Variants in CAST observed in about 807,000 individuals in gnomAD.
CAST encodes the protein MIR583 host.
Under a neutral mutation model 119.6 loss-of-function variants are expected in CAST, and 76 were observed. The ratio of observed to expected loss-of-function variants is 0.64; its 90% CI spans 0.53 to 0.77. CAST has a LOEUF of 0.77. Among genes scored for constraint, CAST ranks in the 30% least tolerant of loss-of-function variants. CAST has a pLI of 0.00. For synonymous variants in CAST, 319 were observed against 331.6 expected, an observed-to-expected ratio of 0.96 and a Z score of 0.41; for missense variants, 953 against 946.5, an observed-to-expected ratio of 1.01 and a Z score of -0.09.
At chr5:96,329,501 C>G in the CAST span, among the ~76,000 whole-genome samples, 1 of 152,172 alleles carries the variant, frequency 6.6e-6, no homozygotes, top group African/African-American at 2.4e-5. Flanking sequence ...ACAGGGATCC[C>G]CCCTAGAACA....
the CAST span, among the ~76,000 whole-genome samples, chr5:96,507,268 C>T: frequency 6.6e-6 from 1 of 152,112 alleles, no homozygotes; most frequent in African/African-American, 2.4e-5. Flanking sequence ...TCACTCTACC[C>T]TGTGTTACAT....
intron 3 of CAST, among the ~76,000 whole-genome samples, chr5:96,702,413 C>T (rs1754026735): frequency 1.3e-5 from 2 of 152,166 alleles, no homozygotes; most frequent in Non-Finnish European, 2.9e-5. Context: ...TTAAACTACT[C>T]TTTAAAGAAA....
the CAST span, among the ~76,000 whole-genome samples, chr5:96,261,469 G>T: frequency 1.3e-5 from 2 of 152,194 alleles, no homozygotes; most frequent in African/African-American, 4.8e-5. Flanking sequence ...GGCTATACAT[G>T]ATGCAGAAGG....
chr5:96,399,766 G>A, the CAST span, among the ~76,000 whole-genome samples: 1 of 152,246 alleles, frequency 6.6e-6, no homozygotes, highest in African/African-American at 2.4e-5. Flanking sequence ...ACATGCAAAT[G>A]GTTAACATGG....
chr5:96,122,498 A>T, the CAST span, among the ~76,000 whole-genome samples: 1 of 152,174 alleles, frequency 6.6e-6, no homozygotes, highest in Non-Finnish European at 1.5e-5. Context: ...TAAAAATAGT[A>T]AATGGCACTG....
the CAST span, among the ~76,000 whole-genome samples, chr5:96,334,719 C>T: frequency 6.6e-6 from 1 of 152,156 alleles, no homozygotes; most frequent in African/African-American, 2.4e-5. Context: ...TAGGATGGAG[C>T]TGCTACCTCA....
the CAST span, among the ~76,000 whole-genome samples, chr5:95,969,215 G>A: frequency 6.6e-6 from 1 of 152,172 alleles, no homozygotes; most frequent in Non-Finnish European, 1.5e-5. Context: ...AGAGCTTTTA[G>A]TATTGGGTTA....
At chr5:95,987,570 T>C in the CAST span, among the ~76,000 whole-genome samples, 1 of 152,160 alleles carries the variant, frequency 6.6e-6, no homozygotes, top group East Asian at 1.9e-4. Flanking sequence ...ACAGGTTGTG[T>C]AAAAGCATCA....
At chr5:96,197,778 T>A in the CAST span, among the ~76,000 whole-genome samples, 1 of 152,192 alleles carries the variant, frequency 6.6e-6, no homozygotes, top group Non-Finnish European at 1.5e-5. Flanking sequence ...TTTGTGTGTG[T>A]GTGACAGTCT....
chr5:96,616,651 G>A (rs1747459673), intron 1 of CAST, among the ~76,000 whole-genome samples: 1 of 151,820 alleles, frequency 6.6e-6, no homozygotes, highest in Non-Finnish European at 1.5e-5. Context: ...GTGGCTACAG[G>A]ATGTGGAGTT....
intron 1 of CAST, among the ~76,000 whole-genome samples, chr5:96,580,579 T>C (rs1218493073): frequency 6.6e-6 from 1 of 152,188 alleles, no homozygotes; most frequent in Non-Finnish European, 1.5e-5. Flanking sequence ...TTAGCATATC[T>C]GGAGTAGGGC....
intron 2 of CAST, among the ~76,000 whole-genome samples, chr5:96,678,163 A>G (rs958412149): frequency 1.3e-5 from 2 of 152,176 alleles, no homozygotes; most frequent in Admixed American, 1.3e-4. Context: ...TTACCAGAGA[A>G]AGACTTCCTG....
At chr5:96,360,908 T>C in the CAST span, among the ~76,000 whole-genome samples, 1 of 152,312 alleles carries the variant, frequency 6.6e-6, no homozygotes, top group Non-Finnish European at 1.5e-5. Context: ...CAGGAATGTT[T>C]AAGTCTGCTG....
chr5:95,974,029 A>C, the CAST span, among the ~76,000 whole-genome samples: 129 of 143,526 alleles, frequency 9.0e-4, no homozygotes, highest in African/African-American at 2.9e-3. Context: ...ACACACACAC[A>C]CCCCCACTCA....
chr5:96,432,877 C>A, the CAST span: 1 of 1,613,778 alleles, frequency 6.2e-7, no homozygotes, highest in South Asian at 1.1e-5. Context: ...CCCAAAAGGT[C>A]ATAGCCCAGC....
chr5:96,209,601 T>C, the CAST span, among the ~76,000 whole-genome samples: 118 of 152,162 alleles, frequency 7.8e-4, 1 homozygote, highest in African/African-American at 2.2e-3. Flanking sequence ...TATGAAATTT[T>C]TTATTGGAGT....
chr5:96,176,968 G>A, the CAST span, among the ~76,000 whole-genome samples: 2 of 152,166 alleles, frequency 1.3e-5, no homozygotes. Flanking sequence ...GGGAGTATAT[G>A]CTATTATAAT....
the CAST span, among the ~76,000 whole-genome samples, chr5:96,299,241 C>T: frequency 1.3e-5 from 2 of 149,456 alleles, no homozygotes; most frequent in East Asian, 2.0e-4. Context: ...GCAAAAAACT[C>T]AGTCTCAAAA....
At chr5:96,165,989 A>G in the CAST span, among the ~76,000 whole-genome samples, 1 of 145,692 alleles carries the variant, frequency 6.9e-6, no homozygotes, top group Admixed American at 6.8e-5. Flanking sequence ...ATCATTATCC[A>G]TTATTAACAT....
Sources: gnomAD v4.1 joint callset for allele counts (sites outside exome capture counted in the v4.1 genomes callset) on GRCh38, gnomAD v4.1.1 for gene constraint, MANE v1.5 for transcripts, NCBI Gene and HGNC (gene_info 2026-07-23, HGNC 2026-07-21) for gene names.